The following ROCK1 variants were observed in gnomAD, a reference collection of about 807,000 sequenced individuals.
The protein encoded by ROCK1 is rho-associated protein kinase 1.
ROCK1 carries 36 observed loss-of-function variants against 196.8 expected under a neutral mutation model. The ratio of observed to expected loss-of-function variants is 0.18; its 90% CI spans 0.14 to 0.24. The LOEUF is 0.24. Ranked by LOEUF, ROCK1 falls within the 10% of genes least tolerant of loss-of-function variation. The pLI, the probability that ROCK1 is intolerant of heterozygous loss-of-function variation, is 1.00. For synonymous variants in ROCK1, 443 were observed against 515.9 expected, an observed-to-expected ratio of 0.86 and a Z score of 1.91; for missense variants, 920 against 1,562.0, an observed-to-expected ratio of 0.59 and a Z score of 6.93.
chr18:20,998,405 A>T (rs187935665), intron 16 of ROCK1, among the ~76,000 whole-genome samples: 10 of 152,226 alleles, frequency 6.6e-5, no homozygotes, highest in African/African-American at 2.4e-4. Flanking sequence ...AGCCAGAGCA[A>T]ATCAAACCCA....
chr18:21,011,022 T>C (rs2143445284), intron 13 of ROCK1, among the ~76,000 whole-genome samples: 1 of 152,340 alleles, frequency 6.6e-6, no homozygotes, highest in African/African-American at 2.4e-5. Context: ...ATTTGTTATG[T>C]TATCTCTTCA....
At chr18:21,073,095 A>C (rs1164858160) in intron 1 of ROCK1, among the ~76,000 whole-genome samples, 4 of 110,146 alleles carry the variant, frequency 3.6e-5, no homozygotes, top group East Asian at 2.7e-4. Context: ...AAAAAAAAAA[A>C]AAAACAAAAG....
chr18:21,059,660 CAT>C (rs1188185431), intron 2 of ROCK1, among the ~76,000 whole-genome samples: 1 of 152,040 alleles, frequency 6.6e-6, no homozygotes. Context: ...ATAGAATTAC[CAT>C]ATGACCCACC....
At chr18:20,964,640 C>T (rs1247879248) in intron 27 of ROCK1, among the ~76,000 whole-genome samples, 3 of 152,124 alleles carry the variant, frequency 2.0e-5, no homozygotes, top group African/African-American at 7.2e-5. Context: ...GAATGGCTAC[C>T]AGTACTCCCC....
intron 19 of ROCK1, among the ~76,000 whole-genome samples, 182 bp downstream of exon 19, chr18:20,986,768 A>G (rs1041951939): frequency 5.3e-5 from 8 of 152,212 alleles, no homozygotes; most frequent in East Asian, 1.9e-4. Context: ...TGAATGTTCA[A>G]TAACTATTTG....
intron 20 of ROCK1, 81 bp from the exon 21 acceptor site, chr18:20,982,913 T>C: frequency 1.5e-6 from 1 of 655,684 alleles, no homozygotes. Context: ...TTAAAGTTGC[T>C]AATATAAAAA....
chr18:20,977,876 T>A (rs566897114), intron 22 of ROCK1, among the ~76,000 whole-genome samples: 1 of 152,172 alleles, frequency 6.6e-6, no homozygotes, highest in Non-Finnish European at 1.5e-5. Context: ...TTCTACAATA[T>A]GACTATATCA....
At chr18:21,107,355 A>G (rs1208223726) in intron 1 of ROCK1, among the ~76,000 whole-genome samples, 1 of 152,048 alleles carries the variant, frequency 6.6e-6, no homozygotes, top group Non-Finnish European at 1.5e-5. Flanking sequence ...GGAAGTTTCC[A>G]TTTCTAAGCA....
At position 20,984,402 on chromosome 18, in the gene ROCK1, G is replaced by T. The variant is rs1254493410; in HGVS notation, c.2438C>A (p.Thr813Asn). Residue 813 changes from threonine to asparagine, a missense_variant, in exon 20 of 33, where the codon ACT (threonine) becomes AAT (asparagine). Thr to Asn is a moderately conservative substitution (Grantham distance 65, BLOSUM62 0). Around this residue, in one of 6 missense-constraint regions of ROCK1, gnomAD observed 520 missense variants for 657.1 expected, o/e 0.79. Coordinates refer to ENST00000399799, the MANE Select transcript of ROCK1 (RefSeq NM_005406.3). ...LEKQMKQEINTLLEAKRLLEF... is the reference protein window; with the variant it reads ...LEKQMKQEINNLLEAKRLLEF... The stretch of plus-strand genomic sequence containing the variant: ...TAATAATCTCTTTGCTTCCAATAAA[G>T]TATTTATTTCCTGTTTCATCTGCTT... The T allele has an allele frequency of 6.2e-7, 1 of 1,611,226 alleles. No individual in the cohort carries two copies. The highest frequency in any genetic ancestry group is 1.7e-5 in the Admixed American group (1 of 59,824).
intron 8 of ROCK1, among the ~76,000 whole-genome samples, chr18:21,040,617 A>G (rs1256129125): frequency 2.0e-5 from 3 of 152,182 alleles, no homozygotes; most frequent in South Asian, 4.1e-4. Context: ...AGAAGCTTTC[A>G]CTAACTCTCA....
chr18:21,111,098 G>A lies in ROCK1; in HGVS notation c.-188C>T. 1 of 596,674 alleles carries A rather than the reference G, an allele frequency of 1.7e-6. No individual in the cohort carries two copies. Among genetic ancestry groups the A allele is most frequent in the Non-Finnish European group, 3.0e-6 (1 of 337,152 alleles). The allele number at this position is 596,674 out of a possible 1,614,324, so 37.0% of individuals were successfully genotyped here. A position where few individuals can be genotyped will look rare whatever the true frequency, so the allele number is the denominator to read the frequency against. On this transcript the variant is annotated 5_prime_UTR_variant, in exon 1 of 33. Coordinates refer to ENST00000399799, the MANE Select transcript of ROCK1 (RefSeq NM_005406.3). This position sits in a 1 kb window ranked among gnomAD's most constrained non-coding sequence, Gnocchi z 4.2. ...TCCGCTCTCCAGACCCCGGGCCGGG[G>A]GCAACAGCGACCCACAGCCGCTCGG...
At chr18:21,100,610 C>A (rs993982682) in intron 1 of ROCK1, among the ~76,000 whole-genome samples, 1 of 151,042 alleles carries the variant, frequency 6.6e-6, no homozygotes, top group Non-Finnish European at 1.5e-5. Context: ...AGACTGAGAG[C>A]GAAATAAATA....
intron 23 of ROCK1, 59 bp downstream of exon 23, chr18:20,970,288 AG>A: frequency 7.6e-7 from 1 of 1,319,510 alleles, no homozygotes; most frequent in East Asian, 2.3e-5. Context: ...TAATATTTTA[AG>A]ATGTGACCTA....
At chr18:21,103,187 C>T (rs1478515855) in intron 1 of ROCK1, among the ~76,000 whole-genome samples, 1 of 152,078 alleles carries the variant, frequency 6.6e-6, no homozygotes, top group African/African-American at 2.4e-5. Context: ...AAAAATTACA[C>T]TTCCTATGTT....
At position 21,082,557 on chromosome 18, in the gene ROCK1, A is replaced by G. The variant is rs183167436; in HGVS notation, c.94-11944T>C. On this transcript the variant is annotated intron_variant, in intron 1 of 32. Coordinates refer to ENST00000399799, the MANE Select transcript of ROCK1 (RefSeq NM_005406.3). The stretch of plus-strand genomic sequence containing the variant: ...AAAATATTTTAATGTAATCTACCAC[A>G]TTAATAGAATAAAGGACAAAAACCA... Among the ~76,000 whole-genome samples the G allele has an allele frequency of 3.4e-3, 520 of 152,332 alleles. 1 individual carries two copies. Among genetic ancestry groups the G allele is most frequent in the Non-Finnish European group, 5.6e-3 (382 of 68,022 alleles).
At position 21,015,469 on chromosome 18, in the gene ROCK1, T is replaced by C. The variant is rs755207685; in HGVS notation, c.1372A>G (p.Ile458Val). ...EMEQKCRTSN[I>V]KLDKIMKELD... ...TCTTTCATTATCTTGTCTAGTTTTA[T>C]GTTTGAGGTTCTGTAAAAACAAAAG... Residue 458 changes from isoleucine (I) to valine (V), a missense_variant, in exon 13 of 33, where the codon ATA (isoleucine) becomes GTA (valine). By Grantham distance (29) the Ile-to-Val change is conservative. Transcript: ENST00000399799. The C allele has an allele frequency of 3.0e-5, 47 of 1,560,334 alleles. No individual in the cohort carries two copies. The highest frequency in any genetic ancestry group is 5.1e-5 in the Admixed American group (3 of 58,536).
chr18:20,959,087 TTATATAATATA>T (rs1173174984), intron 29 of ROCK1, among the ~76,000 whole-genome samples: 4 of 30,298 alleles, frequency 1.3e-4, no homozygotes, highest in East Asian at 2.6e-3. Flanking sequence ...TATATATATT[TTATATAATATA>T]TATATTATAT....
At chr18:21,024,898 T>C (rs905042145) in intron 10 of ROCK1, among the ~76,000 whole-genome samples, 3 of 152,212 alleles carry the variant, frequency 2.0e-5, no homozygotes, top group Non-Finnish European at 4.4e-5. Context: ...TTAATTCCAT[T>C]GACTACTAAG....
Position 21,035,781 on chromosome 18 carries a change from C to T in ROCK1, c.1051+3691G>A, listed in dbSNP as rs190041823. ...TGATACATGCTATGACATGAATGAA[C>T]CTTGAAGACATTGTGCTAGGTGAAA... On this transcript the variant is annotated intron_variant, in intron 9 of 32. Transcript: ENST00000399799. 4.3e-3 allele frequency among the ~76,000 whole-genome samples: 652 copies of T among 152,150 alleles called. 3 individuals are homozygous for T. Among genetic ancestry groups the T allele is most frequent in the Non-Finnish European group, 7.2e-3 (490 of 67,994 alleles).
Sources: gnomAD v4.1 joint callset for allele counts (sites outside exome capture counted in the v4.1 genomes callset) on GRCh38, gnomAD v4.1.1 for gene constraint, gnomAD v4.1.1 regional missense constraint, Gnocchi (gnomAD v3.1) non-coding constraint, MANE v1.5 for transcripts, NCBI Gene and HGNC (gene_info 2026-07-23, HGNC 2026-07-21) for gene names.